LARGE1: variants seen among roughly 807,000 people sequenced by gnomAD.
LARGE1 encodes LARGE xylosyl- and glucuronyltransferase 1, also known as xylosyl- and glucuronyltransferase LARGE1.
LARGE1 carries 43 observed loss-of-function variants against 87.6 expected under a neutral mutation model. That is an observed-to-expected ratio of 0.49 (90% confidence interval 0.38 to 0.63). LARGE1 has a LOEUF of 0.63. LARGE1 is among the 30% of genes least tolerant of loss of function. The probability of loss-of-function intolerance (pLI) is 0.00; values close to 1 mark genes in which losing one functional copy is unlikely to be tolerated. For missense variants in LARGE1, 802 were observed against 1,000.2 expected, an observed-to-expected ratio of 0.80 and a Z score of 2.67; for synonymous variants, 434 against 394.6, an observed-to-expected ratio of 1.10 and a Z score of -1.18.
chr22:33,838,399 G>A (rs1013484021), intron 1 of LARGE1, among the ~76,000 whole-genome samples: 26 of 152,186 alleles, frequency 1.7e-4, no homozygotes, highest in African/African-American at 6.3e-4. Flanking sequence ...AGCACTTTGG[G>A]AGGCCAAGAT....
At chr22:33,289,973 T>C (rs1369531345) in intron 12 of LARGE1, among the ~76,000 whole-genome samples, 1 of 152,100 alleles carries the variant, frequency 6.6e-6, no homozygotes, top group South Asian at 2.1e-4. Flanking sequence ...TGAGGCTTCC[T>C]ATGCCAAATG....
At chr22:33,622,966 G>C (rs1437529627) in intron 4 of LARGE1, among the ~76,000 whole-genome samples, 1 of 152,150 alleles carries the variant, frequency 6.6e-6, no homozygotes, top group African/African-American at 2.4e-5. Flanking sequence ...CACCCAACAG[G>C]ATTCTTACAA....
intron 1 of LARGE1, among the ~76,000 whole-genome samples, chr22:33,803,532 C>T (rs559511987): frequency 3.9e-5 from 6 of 152,294 alleles, no homozygotes; most frequent in African/African-American, 1.4e-4. Flanking sequence ...TAGGAGGACT[C>T]GCCAGACTCA....
chr22:33,823,398 T>A (rs1021904346), intron 1 of LARGE1, among the ~76,000 whole-genome samples: 3 of 152,222 alleles, frequency 2.0e-5, no homozygotes, highest in Non-Finnish European at 4.4e-5. Context: ...CAGAATCTGA[T>A]ACAGTGCCTG....
chr22:33,721,864 G>A (rs2083107715), intron 2 of LARGE1, among the ~76,000 whole-genome samples: 1 of 152,144 alleles, frequency 6.6e-6, no homozygotes, highest in Non-Finnish European at 1.5e-5. Context: ...ATACTGTTTT[G>A]TACTCTTTAT....
chr22:33,446,041 T>C (rs111460013), intron 6 of LARGE1, among the ~76,000 whole-genome samples: 4,522 of 152,266 alleles, frequency 0.03, 86 homozygotes, highest in South Asian at 0.066. Context: ...GGTTGGATCT[T>C]TGAACTTCAC....
chr22:33,842,535 C>T (rs541055296), intron 1 of LARGE1, among the ~76,000 whole-genome samples: 1 of 152,266 alleles, frequency 6.6e-6, no homozygotes, highest in East Asian at 1.9e-4. Context: ...TCCACTGTGG[C>T]CCTGAGCAGC....
intron 6 of LARGE1, among the ~76,000 whole-genome samples, chr22:33,456,792 C>A (rs181587446): frequency 1.3e-5 from 2 of 152,140 alleles, no homozygotes; most frequent in African/African-American, 4.8e-5. Context: ...ACTCAACATG[C>A]GGTCCAGTGC....
At chr22:33,549,515 T>C (rs951096225) in intron 6 of LARGE1, among the ~76,000 whole-genome samples, 1 of 152,200 alleles carries the variant, frequency 6.6e-6, no homozygotes, top group African/African-American at 2.4e-5. Context: ...TCTCTTGGTA[T>C]TGTGTATCCT....
intron 7 of LARGE1, among the ~76,000 whole-genome samples, chr22:33,430,416 C>T (rs1229690615): frequency 1.3e-5 from 2 of 152,148 alleles, no homozygotes; most frequent in Admixed American, 6.5e-5. Flanking sequence ...AGCTGCCTTT[C>T]CCCAACCTGG....
chr22:33,359,653 T>G (rs796126097), intron 9 of LARGE1, among the ~76,000 whole-genome samples: 2 of 141,430 alleles, frequency 1.4e-5, no homozygotes, highest in Non-Finnish European at 3.1e-5. Flanking sequence ...AAGCTCCGCC[T>G]CCCGGGTTCA....
chr22:33,762,931 T>C (rs545138948), intron 1 of LARGE1, among the ~76,000 whole-genome samples: 52 of 152,328 alleles, frequency 3.4e-4, no homozygotes, highest in Non-Finnish European at 5.6e-4. Flanking sequence ...CACACAGCTA[T>C]AAAAAGCTTC....
chr22:33,462,361 C>T (rs1569184937), intron 6 of LARGE1, among the ~76,000 whole-genome samples: 4 of 151,814 alleles, frequency 2.6e-5, no homozygotes, highest in Non-Finnish European at 5.9e-5. Context: ...TAGTACTAGG[C>T]ACTTACATGA....
At chr22:33,211,660 C>T (rs1924968666) in intron 11 of LARGE1, among the ~76,000 whole-genome samples, 1 of 152,124 alleles carries the variant, frequency 6.6e-6, no homozygotes, top group Non-Finnish European at 1.5e-5. Flanking sequence ...GTAGTCCCAG[C>T]TACTCGGGAG....
chr22:33,818,163 T>C (rs368043191), intron 1 of LARGE1, among the ~76,000 whole-genome samples: 4 of 152,350 alleles, frequency 2.6e-5, no homozygotes, highest in Non-Finnish European at 4.4e-5. Context: ...CTCCTTCTCA[T>C]AGGGCTTCTT....
At position 33,653,954 on chromosome 22, in the gene LARGE1, G is replaced by C. The variant is rs1236354956; in HGVS notation, c.107-3286C>G. ...AAGCAGGCTTCACCAAAGAGGCCGG[G>C]TCACATTCTCTAGCCCCTCTCCTGA... On this transcript the variant is annotated intron_variant, in intron 2 of 14. Transcript: ENST00000397394. Among the ~76,000 whole-genome samples the C allele has an allele frequency of 4.6e-5, 7 of 152,078 alleles. 1 individual carries two copies. Among genetic ancestry groups the C allele is most frequent in the Admixed American group, 2.6e-4 (4 of 15,256 alleles).
At chr22:33,271,546 A>T (rs1378711055), downstream of LARGE1, among the ~76,000 whole-genome samples, 1 of 152,212 alleles carries the variant, frequency 6.6e-6, no homozygotes, top group East Asian at 1.9e-4. Flanking sequence ...CCTTCCTCTC[A>T]ACTGAAAGCC....
intron 5 of LARGE1, among the ~76,000 whole-genome samples, chr22:33,571,225 G>T (rs146404603): frequency 6.6e-6 from 1 of 152,160 alleles, no homozygotes; most frequent in Non-Finnish European, 1.5e-5. Context: ...CAGGTTTTAA[G>T]GGTTTTATGT....
intron 1 of LARGE1, among the ~76,000 whole-genome samples, chr22:33,856,026 G>A (rs893996582): frequency 2.0e-5 from 3 of 152,190 alleles, no homozygotes; most frequent in African/African-American, 4.8e-5. Flanking sequence ...CTTACTGGAG[G>A]CTTCCCGGGC....
Sources: gnomAD v4.1 joint callset for allele counts (sites outside exome capture counted in the v4.1 genomes callset) on GRCh38, gnomAD v4.1.1 for gene constraint, MANE v1.5 for transcripts, NCBI Gene and HGNC (gene_info 2026-07-23, HGNC 2026-07-21) for gene names.